The following NRCAM variants were observed in gnomAD, a reference collection of about 807,000 sequenced individuals.
NRCAM encodes the protein NgCAM-related cell adhesion molecule.
In NRCAM, 83 loss-of-function variants were observed where a neutral mutation model predicts 156.5. The ratio of observed to expected loss-of-function variants is 0.53; its 90% CI spans 0.44 to 0.64. The LOEUF (loss-of-function observed/expected upper bound fraction) is 0.64. Ranked by LOEUF, NRCAM falls within the 30% of genes least tolerant of loss-of-function variation. NRCAM has a pLI of 0.00. For synonymous variants in NRCAM, 538 were observed against 563.9 expected (o/e 0.95, Z 0.65); for missense variants, 1,417 against 1,597.3 (o/e 0.89, Z 1.92).
intron 1 of NRCAM, among the ~76,000 whole-genome samples, chr7:108,415,157 C>A (rs1421919482): frequency 1.3e-5 from 2 of 152,222 alleles, no homozygotes; most frequent in African/African-American, 4.8e-5. Context: ...GGGGAAGAAA[C>A]AAGGTCTTCT....
intron 4 of NRCAM, among the ~76,000 whole-genome samples, chr7:108,239,573 G>T (rs988914396): frequency 5.3e-4 from 80 of 152,204 alleles, no homozygotes; most frequent in Non-Finnish European, 6.5e-4. Context: ...GTGAAGGGAT[G>T]AGTGGGGAGG....
At chr7:108,355,880 G>A (rs555313838) in intron 2 of NRCAM, among the ~76,000 whole-genome samples, 34 of 152,128 alleles carry the variant, frequency 2.2e-4, no homozygotes, top group African/African-American at 6.3e-4. Flanking sequence ...ATCACATCAC[G>A]TAGGTATTTT....
At chr7:108,434,074 G>A (rs1208380173) in intron 1 of NRCAM, among the ~76,000 whole-genome samples, 1 of 152,122 alleles carries the variant, frequency 6.6e-6, no homozygotes. Context: ...ATTGACCAAA[G>A]GCACTCAAAA....
chr7:108,315,236 G>A (rs1314252462), intron 2 of NRCAM, among the ~76,000 whole-genome samples: 1 of 152,028 alleles, frequency 6.6e-6, no homozygotes, highest in African/African-American at 2.4e-5. Flanking sequence ...AATTTGACTA[G>A]TAGTAAAATC....
chr7:108,302,607 C>A (rs1021386343), intron 3 of NRCAM, among the ~76,000 whole-genome samples: 10 of 152,198 alleles, frequency 6.6e-5, no homozygotes, highest in African/African-American at 2.4e-4. Context: ...GAGCTACTGT[C>A]CTCCTCAAGG....
intron 3 of NRCAM, among the ~76,000 whole-genome samples, chr7:108,279,841 T>G (rs2154083487): frequency 6.6e-6 from 1 of 152,184 alleles, no homozygotes; most frequent in East Asian, 1.9e-4. Flanking sequence ...AAAACAGGCA[T>G]GAGCCACCAT....
chr7:108,242,431 T>C (rs1353600110), intron 3 of NRCAM, among the ~76,000 whole-genome samples: 1 of 152,142 alleles, frequency 6.6e-6, no homozygotes, highest in African/African-American at 2.4e-5. Context: ...GACACAGGTA[T>C]AGAAGCTCAC....
intron 2 of NRCAM, among the ~76,000 whole-genome samples, chr7:108,322,195 C>G (rs757503742): frequency 6.6e-6 from 1 of 151,984 alleles, no homozygotes; most frequent in Non-Finnish European, 1.5e-5. Flanking sequence ...GTTCAACATT[C>G]TTTTTAGATG....
At chr7:108,195,718 CA>C (rs1373598320) in intron 15 of NRCAM, 42 bp downstream of exon 15, 1 of 1,108,210 alleles carries the variant, frequency 9.0e-7, no homozygotes, top group Admixed American at 1.8e-5. Flanking sequence ...AAGCCTTTAG[CA>C]AACATTTTAA....
intron 1 of NRCAM, among the ~76,000 whole-genome samples, chr7:108,421,419 T>C (rs972748881): frequency 2.0e-5 from 3 of 152,180 alleles, no homozygotes; most frequent in Admixed American, 6.5e-5. Flanking sequence ...TATTCAATAA[T>C]ATAGACCATT....
intron 3 of NRCAM, among the ~76,000 whole-genome samples, chr7:108,299,920 T>C (rs757265720): frequency 2.0e-5 from 3 of 152,170 alleles, no homozygotes; most frequent in Non-Finnish European, 4.4e-5. Context: ...TAATTAACAC[T>C]GTACCTCGAT....
At chr7:108,271,039 C>A (rs2097326226) in intron 3 of NRCAM, among the ~76,000 whole-genome samples, 1 of 152,000 alleles carries the variant, frequency 6.6e-6, no homozygotes, top group Non-Finnish European at 1.5e-5. Flanking sequence ...AGCAGGTTTT[C>A]TGGTTTTCAT....
chr7:108,418,990 T>G (rs1442460822), intron 1 of NRCAM, among the ~76,000 whole-genome samples: 1 of 152,070 alleles, frequency 6.6e-6, no homozygotes, highest in Non-Finnish European at 1.5e-5. Context: ...GTCCTTCTGA[T>G]ATTGAGAGGC....
chr7:108,422,723 T>C (rs954171238), intron 1 of NRCAM, among the ~76,000 whole-genome samples: 3 of 152,144 alleles, frequency 2.0e-5, no homozygotes, highest in African/African-American at 4.8e-5. Context: ...ATTGAGAAGG[T>C]GCTTAATAAA....
At chr7:108,213,931 T>G (rs1185219100) in intron 11 of NRCAM, among the ~76,000 whole-genome samples, 1 of 152,328 alleles carries the variant, frequency 6.6e-6, no homozygotes. Context: ...CAGCCTTGCA[T>G]CCCAGGGATG....
intron 25 of NRCAM, among the ~76,000 whole-genome samples, chr7:108,178,703 C>T (rs1175644029): frequency 6.6e-6 from 1 of 152,220 alleles, no homozygotes; most frequent in Non-Finnish European, 1.5e-5. Flanking sequence ...CTCAGGTTCT[C>T]TGTGGCAGAG....
At chr7:108,356,845 C>T (rs2099505318) in intron 2 of NRCAM, among the ~76,000 whole-genome samples, 1 of 152,146 alleles carries the variant, frequency 6.6e-6, no homozygotes, top group South Asian at 2.1e-4. Context: ...ATGTTGAAAT[C>T]CCAACCCTTA....
At chr7:108,385,855 C>A (rs983003584) in intron 2 of NRCAM, among the ~76,000 whole-genome samples, 9 of 145,758 alleles carry the variant, frequency 6.2e-5, no homozygotes, top group Non-Finnish European at 1.2e-4. Context: ...AGCAGTGGAT[C>A]CATTTAATCA....
At chr7:108,156,728 T>C (rs927515998) in intron 32 of NRCAM, 2 of 152,136 alleles carry the variant, frequency 1.3e-5, no homozygotes, top group Non-Finnish European at 2.9e-5. Flanking sequence ...GTCAGCATAA[T>C]AATTTATTTT....
Sources: gnomAD v4.1 joint callset for allele counts (sites outside exome capture counted in the v4.1 genomes callset) on GRCh38, gnomAD v4.1.1 for gene constraint, MANE v1.5 for transcripts, NCBI Gene and HGNC (gene_info 2026-07-23, HGNC 2026-07-21) for gene names.